The following CNTN5 variants were observed in gnomAD, a reference collection of about 807,000 sequenced individuals.
CNTN5 encodes contactin-5.
A neutral mutation model predicts 129.1 loss-of-function variants in CNTN5; 77 were observed. The observed-to-expected ratio is 0.60, with a 90% CI of 0.50 to 0.72. The LOEUF is 0.72. CNTN5 is among the 30% of genes least tolerant of loss of function. CNTN5 has a pLI of 0.00. For missense variants in CNTN5, 1,478 were observed against 1,328.8 expected, an observed-to-expected ratio of 1.11 and a Z score of -1.75; for synonymous variants, 509 against 465.6, an observed-to-expected ratio of 1.09 and a Z score of -1.20.
chr11:99,971,803 G>C (rs1232133515), intron 8 of CNTN5, among the ~76,000 whole-genome samples: 1 of 151,470 alleles, frequency 6.6e-6, no homozygotes, highest in East Asian at 1.9e-4. Context: ...GCATTATTTA[G>C]CAATAAACAT....
At chr11:99,873,828 A>C (rs538234479) in intron 6 of CNTN5, among the ~76,000 whole-genome samples, 1 of 152,276 alleles carries the variant, frequency 6.6e-6, no homozygotes, top group African/African-American at 2.4e-5. Flanking sequence ...CAAAGGTTGA[A>C]TGGACAAAGC....
intron 2 of CNTN5, among the ~76,000 whole-genome samples, chr11:99,537,582 T>C (rs985903633): frequency 1.3e-5 from 2 of 152,132 alleles, no homozygotes; most frequent in Admixed American, 6.6e-5. Flanking sequence ...TGTCTATGCT[T>C]TCTCATTCTC....
chr11:100,026,253 G>T (rs1164886471), intron 9 of CNTN5, among the ~76,000 whole-genome samples: 1 of 151,846 alleles, frequency 6.6e-6, no homozygotes, highest in East Asian at 1.9e-4. Context: ...CTGACGCCTG[G>T]TGAAGAAGAT....
intron 16 of CNTN5, among the ~76,000 whole-genome samples, chr11:100,225,762 G>A (rs1418498715): frequency 6.6e-6 from 1 of 151,964 alleles, no homozygotes; most frequent in Non-Finnish European, 1.5e-5. Context: ...TGTATGGTCT[G>A]TACAGATAAA....
At chr11:99,816,269 C>T (rs915177300) in intron 3 of CNTN5, among the ~76,000 whole-genome samples, 2 of 152,148 alleles carry the variant, frequency 1.3e-5, no homozygotes, top group Non-Finnish European at 2.9e-5. Flanking sequence ...CCATTTTCAA[C>T]ACCCTATTTC....
intron 13 of CNTN5, among the ~76,000 whole-genome samples, chr11:100,189,072 A>C (rs889061433): frequency 3.3e-5 from 5 of 151,992 alleles, no homozygotes; most frequent in African/African-American, 1.2e-4. Context: ...ACTGAAGACT[A>C]CTAGAGGAGA....
At chr11:99,883,330 C>T (rs966814118) in intron 6 of CNTN5, among the ~76,000 whole-genome samples, 1 of 152,176 alleles carries the variant, frequency 6.6e-6, no homozygotes, top group African/African-American at 2.4e-5. Flanking sequence ...TACATTTCCA[C>T]CAACAGTGTA....
chr11:99,748,945 C>T (rs983133844), intron 3 of CNTN5, among the ~76,000 whole-genome samples: 26 of 152,174 alleles, frequency 1.7e-4, no homozygotes, highest in African/African-American at 6.0e-4. Context: ...CAAGTTGACA[C>T]ATTAAATTTA....
At chr11:100,324,111 T>C (rs1951746461) in intron 21 of CNTN5, among the ~76,000 whole-genome samples, 1 of 152,160 alleles carries the variant, frequency 6.6e-6, no homozygotes, top group Non-Finnish European at 1.5e-5. Flanking sequence ...AGTGTTCATT[T>C]GGGCCAAGTT....
chr11:99,345,964 A>ATAT (rs1021411901), intron 2 of CNTN5, among the ~76,000 whole-genome samples: 2 of 152,206 alleles, frequency 1.3e-5, no homozygotes, highest in African/African-American at 4.8e-5. Flanking sequence ...ACATTAATGC[A>ATAT]TATTTCATAA....
chr11:100,284,388 T>C, intron 18 of CNTN5, among the ~76,000 whole-genome samples: 1 of 152,200 alleles, frequency 6.6e-6, no homozygotes, highest in Non-Finnish European at 1.5e-5. Context: ...AGAGATTAGA[T>C]AGATTGATAA....
intron 7 of CNTN5, among the ~76,000 whole-genome samples, chr11:99,941,896 A>G (rs1249227095): frequency 6.6e-6 from 1 of 152,090 alleles, no homozygotes; most frequent in Admixed American, 6.6e-5. Context: ...TTATAAGTAG[A>G]ACTTATAAAT....
chr11:99,271,254 A>AT lies in CNTN5; in HGVS notation c.-209-54085dup, dbSNP rs59285420. Among the ~76,000 whole-genome samples, 506 of 151,916 alleles carry AT rather than the reference A, an allele frequency of 3.3e-3. 2 individuals carry two copies. Among genetic ancestry groups the AT allele is most frequent in the African/African-American group, 0.012 (480 of 41,486 alleles). On this transcript the variant is annotated intron_variant, in intron 1 of 24. Transcript: ENST00000524871. ...GATGTGTAACATTAATGGAAAATGC[A>AT]TTTTTTTATTTAACTACTTCTTTTG...
At position 99,804,095 on chromosome 11, in the gene CNTN5, ATCT is replaced by A. The variant is rs556873509; in HGVS notation, c.56-15445_56-15443del. Among the ~76,000 whole-genome samples, 178 of 152,286 alleles carry A rather than the reference ATCT, an allele frequency of 1.2e-3. 2 individuals carry two copies. Among genetic ancestry groups the A allele is most frequent in the Middle Eastern group, 3.4e-3 (1 of 294 alleles). On this transcript the variant is annotated intron_variant, in intron 3 of 24. Transcript: ENST00000524871. ...AAATACTCAAGTACAAAATGCCCAA[ATCT>A]TCTACTTTTTATACCAAAAGGCTGG... is the stretch of plus-strand genomic sequence containing the variant.
At position 99,408,380 on chromosome 11, in the gene CNTN5, A is replaced by AG. The variant is rs1555137696; in HGVS notation, c.-71+82896_-71+82897insG. On this transcript the variant is annotated intron_variant, in intron 2 of 24. Coordinates refer to ENST00000524871, the MANE Select transcript of CNTN5 (RefSeq NM_014361.4). ...ACACCAGGCTACCAAAAAAAAAAAA[A>AG]AAAGAAAGAAAGAAAGAAAGAAGAG... Among the ~76,000 whole-genome samples the AG allele has an allele frequency of 3.9e-4, 52 of 134,036 alleles. 1 individual carries two copies. Among genetic ancestry groups the AG allele is most frequent in the Middle Eastern group, 3.7e-3 (1 of 272 alleles). 87.9% of individuals were successfully genotyped at this position (134,036 alleles called of 152,430 possible).
At chr11:99,738,148 A>G (rs1182340204) in intron 3 of CNTN5, among the ~76,000 whole-genome samples, 2 of 152,172 alleles carry the variant, frequency 1.3e-5, no homozygotes, top group Non-Finnish European at 2.9e-5. Context: ...TTGACATCTT[A>G]ACCCCAAGTA....
At chr11:99,144,795 A>T (rs7103970) in intron 1 of CNTN5, among the ~76,000 whole-genome samples, 138,243 of 151,900 alleles carry the variant, frequency 0.91, 63,171 homozygotes, top group East Asian at 0.99. Flanking sequence ...TGAATTTCTC[A>T]TTCAGATCAT....
chr11:100,135,714 G>A (rs1414430270), intron 13 of CNTN5, among the ~76,000 whole-genome samples: 1 of 152,120 alleles, frequency 6.6e-6, no homozygotes, highest in Non-Finnish European at 1.5e-5. Flanking sequence ...TCTGCTTTCT[G>A]ATATTGGTGA....
At chr11:99,507,620 TA>T (rs1474713537) in intron 2 of CNTN5, among the ~76,000 whole-genome samples, 3 of 152,164 alleles carry the variant, frequency 2.0e-5, no homozygotes, top group Non-Finnish European at 4.4e-5. Flanking sequence ...AGTATAATAT[TA>T]ATATTTTATA....
Sources: gnomAD v4.1 joint callset for allele counts (sites outside exome capture counted in the v4.1 genomes callset) on GRCh38, gnomAD v4.1.1 for gene constraint, MANE v1.5 for transcripts, NCBI Gene and HGNC (gene_info 2026-07-23, HGNC 2026-07-21) for gene names.